Variants in KCNIP3 observed in about 807,000 individuals in gnomAD.
The protein encoded by KCNIP3 is potassium voltage-gated channel interacting protein 3.
A neutral mutation model predicts 35.0 loss-of-function variants in KCNIP3; 28 were observed. The observed-to-expected ratio is 0.80, with a 90% CI of 0.59 to 1.10. KCNIP3 has a LOEUF of 1.10. Among genes scored for constraint, KCNIP3 ranks in the 50% least tolerant of loss-of-function variants. KCNIP3 has a pLI of 0.00. For missense variants in KCNIP3, 295 were observed against 338.4 expected, an observed-to-expected ratio of 0.87 and a Z score of 1.01; for synonymous variants, 134 against 133.8, an observed-to-expected ratio of 1.00 and a Z score of -0.01.
chr2:95,354,006 C>T lies in KCNIP3; in HGVS notation c.182-20290C>T, dbSNP rs115717237. Among the ~76,000 whole-genome samples the T allele has an allele frequency of 8.1e-3, 1,239 of 152,274 alleles. 18 individuals carry two copies. The highest frequency in any genetic ancestry group is 0.028 in the African/African-American group (1,174 of 41,544). ...GGTGTCTGACCCCATGTCAGTGGCA[C>T]GGAAGTGGAGGATGCTGTTCTAAAA... On this transcript the variant is annotated intron_variant, in intron 2 of 8. Transcript: ENST00000295225.
At chr2:95,325,587 ACACGCACT>A (rs1446427944) in intron 2 of KCNIP3, among the ~76,000 whole-genome samples, 30 of 151,992 alleles carry the variant, frequency 2.0e-4, no homozygotes. Context: ...ATGCACGCAC[ACACGCACT>A]CACACACTCA....
At chr2:95,372,434 T>C (rs1680062848) in intron 2 of KCNIP3, among the ~76,000 whole-genome samples, 1 of 152,172 alleles carries the variant, frequency 6.6e-6, no homozygotes, top group Admixed American at 6.5e-5. Flanking sequence ...CGTGGGATGC[T>C]GGTTTACAGG....
intron 1 of KCNIP3, among the ~76,000 whole-genome samples, chr2:95,301,301 C>A: frequency 6.6e-6 from 1 of 152,368 alleles, no homozygotes; most frequent in South Asian, 2.1e-4. Flanking sequence ...CCCACATGTG[C>A]ACACAAATGT....
chr2:95,311,749 A>G (rs1175515027), intron 2 of KCNIP3: 1 of 152,242 alleles, frequency 6.6e-6, no homozygotes, highest in African/African-American at 2.4e-5. Flanking sequence ...TTCCCCACAG[A>G]GCCCCTACCC....
intron 2 of KCNIP3, among the ~76,000 whole-genome samples, chr2:95,314,914 T>C (rs1678414099): frequency 6.6e-6 from 1 of 152,138 alleles, no homozygotes. Flanking sequence ...TCCAGCAGTG[T>C]CACTGGCACC....
intron 2 of KCNIP3, among the ~76,000 whole-genome samples, chr2:95,342,729 G>T (rs556287017): frequency 6.6e-6 from 1 of 152,134 alleles, no homozygotes; most frequent in Non-Finnish European, 1.5e-5. Flanking sequence ...GCTTTTCCCC[G>T]GGGCCAGTCT....
chr2:95,301,091 C>A (rs1250669512), intron 1 of KCNIP3, among the ~76,000 whole-genome samples: 1 of 151,342 alleles, frequency 6.6e-6, no homozygotes, highest in African/African-American at 2.4e-5. Context: ...GTCGTGGGAT[C>A]CTCTCTCAAG....
At chr2:95,316,832 C>T (rs1357929653) in intron 2 of KCNIP3, among the ~76,000 whole-genome samples, 1 of 152,214 alleles carries the variant, frequency 6.6e-6, no homozygotes, top group African/African-American at 2.4e-5. Context: ...AACTGGCATT[C>T]TCAGCCACAT....
intron 2 of KCNIP3, 59 bp downstream of exon 2, chr2:95,310,579 T>C (rs1678287218): frequency 8.1e-6 from 13 of 1,595,316 alleles, no homozygotes; most frequent in African/African-American, 1.3e-5. Flanking sequence ...TTCTGAGCAC[T>C]GTCCTTTCTG....
chr2:95,384,163 G>C lies in KCNIP3; in HGVS notation c.*114G>C. On this transcript the variant is annotated 3_prime_UTR_variant, in exon 9 of 9. Transcript: ENST00000295225. ...AAAATAGATTTGCAAAAAGTGAACA[G>C]ATTGCTACACACACACACACACACA... 1.5e-6 allele frequency: 1 copy of C among 650,124 alleles called. No homozygotes were observed. The allele number at this position is 650,124 out of a possible 1,614,324, so 40.3% of individuals were successfully genotyped here. A position where few individuals can be genotyped will look rare whatever the true frequency, so the allele number is the denominator to read the frequency against.
intron 1 of KCNIP3, among the ~76,000 whole-genome samples, chr2:95,308,028 G>A (rs970484411): frequency 6.6e-6 from 1 of 152,236 alleles, no homozygotes; most frequent in Admixed American, 6.5e-5. Flanking sequence ...ATGTGCATAT[G>A]AGCATGTGTA....
At chr2:95,375,033 T>C (rs1259255877) in intron 4 of KCNIP3, 105 bp from the exon 5 acceptor site, 57 of 1,516,374 alleles carry the variant, frequency 3.8e-5, no homozygotes, top group Non-Finnish European at 4.8e-5. Flanking sequence ...AAACAGGGAC[T>C]CCAAGCCAGG....
intron 2 of KCNIP3, among the ~76,000 whole-genome samples, chr2:95,328,585 A>G (rs1351146133): frequency 6.6e-5 from 10 of 152,204 alleles, no homozygotes; most frequent in Non-Finnish European, 1.3e-4. Context: ...TGGCACATGC[A>G]TGTGTGTGCA....
At chr2:95,324,468 G>C (rs1444313426) in intron 2 of KCNIP3, among the ~76,000 whole-genome samples, 5 of 151,804 alleles carry the variant, frequency 3.3e-5, no homozygotes, top group African/African-American at 9.7e-5. Context: ...AAGCGAGATT[G>C]CGCCACTGCA....
At chr2:95,333,065 G>A (rs1268685206) in intron 2 of KCNIP3, among the ~76,000 whole-genome samples, 1 of 152,236 alleles carries the variant, frequency 6.6e-6, no homozygotes, top group Non-Finnish European at 1.5e-5. Flanking sequence ...CCTGTGAAAT[G>A]GGAGTTGGGG....
intron 2 of KCNIP3, among the ~76,000 whole-genome samples, chr2:95,324,640 T>C (rs372434883): frequency 8.2e-4 from 122 of 149,396 alleles, no homozygotes; most frequent in African/African-American, 2.1e-3. Context: ...TGGCCTGGCA[T>C]GGTGGCTCAC....
intron 2 of KCNIP3, among the ~76,000 whole-genome samples, chr2:95,370,405 T>C (rs1680015561): frequency 1.3e-5 from 2 of 152,238 alleles, no homozygotes; most frequent in South Asian, 4.1e-4. Context: ...TCCTAAAGCA[T>C]AGCTTTTCTG....
intron 2 of KCNIP3, among the ~76,000 whole-genome samples, chr2:95,372,588 G>C (rs1009479553): frequency 6.6e-6 from 1 of 152,120 alleles, no homozygotes; most frequent in African/African-American, 2.4e-5. Flanking sequence ...AGGTGAGAGG[G>C]ATCGGGACCC....
intron 2 of KCNIP3, among the ~76,000 whole-genome samples, chr2:95,371,966 G>A (rs377088803): frequency 8.6e-5 from 13 of 151,846 alleles, no homozygotes; most frequent in African/African-American, 2.2e-4. Context: ...CACTGCACCC[G>A]GCTCATTTTT....
Sources: allele counts gnomAD v4.1 joint callset (sites outside exome capture counted in the v4.1 genomes callset), GRCh38; gene constraint gnomAD v4.1.1; transcripts MANE v1.5; gene names NCBI Gene and HGNC (gene_info 2026-07-23, HGNC 2026-07-21).